DRC8: variants seen among roughly 807,000 people sequenced by gnomAD.
DRC8 encodes dynein regulatory complex protein 8.
At chr1:244,970,639 C>A in the DRC8 span, 1 of 53,828 alleles carries the variant, frequency 1.9e-5, no homozygotes, top group Non-Finnish European at 3.4e-5. Context: ...GCCCGCCGCT[C>A]CGCCCCGCCC....
At chr1:245,064,432 A>G in the DRC8 span, among the ~76,000 whole-genome samples, 1 of 152,212 alleles carries the variant, frequency 6.6e-6, no homozygotes, top group Non-Finnish European at 1.5e-5. Flanking sequence ...CCCTTTACAT[A>G]TGATGGTTGA....
At chr1:244,985,229 A>T in the DRC8 span, among the ~76,000 whole-genome samples, 29 of 152,290 alleles carry the variant, frequency 1.9e-4, no homozygotes, top group South Asian at 6.2e-4. Flanking sequence ...CTTATCCCAG[A>T]CTTCATTTAG....
chr1:245,047,111 C>T, the DRC8 span, among the ~76,000 whole-genome samples: 1 of 152,222 alleles, frequency 6.6e-6, no homozygotes, highest in Non-Finnish European at 1.5e-5. Flanking sequence ...AAAAGGGCTT[C>T]GTCTTTTCCA....
At chr1:245,045,906 G>A in the DRC8 span, among the ~76,000 whole-genome samples, 1 of 152,216 alleles carries the variant, frequency 6.6e-6, no homozygotes, top group Non-Finnish European at 1.5e-5. Flanking sequence ...AAGGTAGTGA[G>A]TTTGCAAAGG....
the DRC8 span, chr1:244,970,688 C>CCCCGCCCCGCCCCGCCTCTCTCA: frequency 2.1e-6 from 1 of 483,104 alleles, no homozygotes. Context: ...CGCCTCTCTC[C>CCCCGCCCCGCCCCGCCTCTCTCA]CCTCTTCCCT....
At chr1:245,054,877 C>T in the DRC8 span, among the ~76,000 whole-genome samples, 2 of 152,334 alleles carry the variant, frequency 1.3e-5, no homozygotes, top group South Asian at 4.1e-4. Context: ...AGACTTGAGA[C>T]TCCTGAGTCA....
At chr1:244,982,051 C>T in the DRC8 span, among the ~76,000 whole-genome samples, 1 of 152,156 alleles carries the variant, frequency 6.6e-6, no homozygotes, top group Admixed American at 6.6e-5. Flanking sequence ...CTCAGACCAA[C>T]TGACAGCGGC....
the DRC8 span, among the ~76,000 whole-genome samples, chr1:245,045,256 C>T: frequency 6.6e-6 from 1 of 151,914 alleles, no homozygotes; most frequent in Non-Finnish European, 1.5e-5. Context: ...GTGGTCCTCC[C>T]GCCTCAGCCT....
the DRC8 span, among the ~76,000 whole-genome samples, chr1:244,978,232 G>A: frequency 1.3e-5 from 2 of 151,990 alleles, no homozygotes; most frequent in Non-Finnish European, 2.9e-5. Flanking sequence ...AGTGGCTCAC[G>A]CCTGTAATCT....
chr1:245,065,239 G>C, the DRC8 span, among the ~76,000 whole-genome samples: 1 of 146,862 alleles, frequency 6.8e-6, no homozygotes, highest in Non-Finnish European at 1.5e-5. Flanking sequence ...TTTCAGTAGA[G>C]ATGGCATTTC....
At chr1:245,051,145 T>C in the DRC8 span, among the ~76,000 whole-genome samples, 1 of 152,064 alleles carries the variant, frequency 6.6e-6, no homozygotes, top group East Asian at 1.9e-4. Context: ...ATCCCACTAC[T>C]TTGGGAGGCT....
At chr1:245,106,361 G>C in the DRC8 span, among the ~76,000 whole-genome samples, 2 of 151,900 alleles carry the variant, frequency 1.3e-5, no homozygotes, top group African/African-American at 4.8e-5. Context: ...AATATCATAG[G>C]GTTATAAGGA....
At chr1:245,018,061 T>C in the DRC8 span, among the ~76,000 whole-genome samples, 1 of 151,846 alleles carries the variant, frequency 6.6e-6, no homozygotes, top group Admixed American at 6.6e-5. Context: ...ACTCTGTCTC[T>C]ACTAAAAATA....
At chr1:245,043,210 T>TC in the DRC8 span, among the ~76,000 whole-genome samples, 1 of 152,100 alleles carries the variant, frequency 6.6e-6, no homozygotes, top group African/African-American at 2.4e-5. Context: ...GGCGGGCGGA[T>TC]CACTTGAAGT....
the DRC8 span, among the ~76,000 whole-genome samples, chr1:245,099,675 C>A: frequency 2.0e-5 from 3 of 152,214 alleles, no homozygotes; most frequent in Non-Finnish European, 2.9e-5. Context: ...TCAAAGCACA[C>A]GCTGATCGCT....
the DRC8 span, among the ~76,000 whole-genome samples, chr1:245,061,155 A>G: frequency 2.6e-5 from 4 of 152,248 alleles, no homozygotes; most frequent in African/African-American, 4.8e-5. Context: ...GTGGCCTTCA[A>G]TGAGCCACTT....
the DRC8 span, chr1:245,086,768 A>G: frequency 1.9e-6 from 1 of 533,414 alleles, no homozygotes; most frequent in African/African-American, 1.9e-5. Context: ...AGAGACAGGT[A>G]AGCTAAGGTG....
At chr1:245,060,495 A>G in the DRC8 span, among the ~76,000 whole-genome samples, 2 of 152,360 alleles carry the variant, frequency 1.3e-5, no homozygotes, top group Admixed American at 1.3e-4. Flanking sequence ...TCTAAGTTGT[A>G]AGAACACATT....
At chr1:245,105,456 T>A in the DRC8 span, among the ~76,000 whole-genome samples, 1 of 150,912 alleles carries the variant, frequency 6.6e-6, no homozygotes, top group Non-Finnish European at 1.5e-5. Flanking sequence ...CCATCTCTAC[T>A]AAAAATAGAA....
Sources: gnomAD v4.1 joint callset for allele counts (sites outside exome capture counted in the v4.1 genomes callset) on GRCh38, gnomAD v4.1.1 for gene constraint, MANE v1.5 for transcripts, NCBI Gene and HGNC (gene_info 2026-07-23, HGNC 2026-07-21) for gene names.